Variants in GCFC2 observed in about 807,000 individuals in gnomAD.
GCFC2 encodes GC-rich sequence DNA-binding factor 2.
GCFC2 carries 102 observed loss-of-function variants against 99.4 expected under a neutral mutation model. The observed-to-expected ratio is 1.03, with a 90% CI of 0.87 to 1.21. GCFC2 has a LOEUF of 1.21. GCFC2 is among the 50% of genes most tolerant of loss of function. The pLI is 0.00. For synonymous variants in GCFC2, 338 were observed against 316.8 expected, an observed-to-expected ratio of 1.07 and a Z score of -0.71; for missense variants, 973 against 920.9, an observed-to-expected ratio of 1.06 and a Z score of -0.73.
At chr2:75,673,875 C>G (rs1235904588) in intron 12 of GCFC2, among the ~76,000 whole-genome samples, 1 of 152,110 alleles carries the variant, frequency 6.6e-6, no homozygotes, top group Non-Finnish European at 1.5e-5. Context: ...AATGGAATGG[C>G]TGGAGTACAG....
chr2:75,673,172 T>TGGTGGCGGGCGC (rs993028765), intron 13 of GCFC2, among the ~76,000 whole-genome samples: 1 of 151,778 alleles, frequency 6.6e-6, no homozygotes, highest in African/African-American at 2.4e-5. Flanking sequence ...TAGCCGGGCG[T>TGGTGGCGGGCGC]GGTGGCGGGC....
At chr2:75,713,110 T>C (rs1345959443), upstream of GCFC2, among the ~76,000 whole-genome samples, 1 of 152,184 alleles carries the variant, frequency 6.6e-6, no homozygotes, top group Non-Finnish European at 1.5e-5. Context: ...CTCAATAAAC[T>C]GAAACTCCTT....
intron 15 of GCFC2, 21 bp from the exon 16 acceptor site, chr2:75,666,074 C>A: frequency 6.3e-7 from 1 of 1,586,782 alleles, no homozygotes; most frequent in Non-Finnish European, 8.6e-7. Flanking sequence ...AAACACATGG[C>A]TGGTTTACAA....
At chr2:75,674,895 C>T (rs964551739) in intron 12 of GCFC2, among the ~76,000 whole-genome samples, 2 of 151,858 alleles carry the variant, frequency 1.3e-5, no homozygotes, top group Non-Finnish European at 2.9e-5. Context: ...TTGTATTTTA[C>T]TCCATTCTTT....
intron 15 of GCFC2, among the ~76,000 whole-genome samples, chr2:75,666,874 G>A (rs1023553658): frequency 6.6e-6 from 1 of 152,098 alleles, no homozygotes; most frequent in African/African-American, 2.4e-5. Flanking sequence ...AAGAAGGGAG[G>A]TCAGAGTAAC....
At chr2:75,669,411 A>G (rs1411386330) in intron 15 of GCFC2, among the ~76,000 whole-genome samples, 4 of 152,132 alleles carry the variant, frequency 2.6e-5, no homozygotes, top group South Asian at 2.1e-4. Flanking sequence ...CTAAAGTTTT[A>G]TATTTTTTCA....
At chr2:75,680,383 C>G in intron 11 of GCFC2, 69 bp from the exon 12 acceptor site, 2 of 1,320,232 alleles carry the variant, frequency 1.5e-6, no homozygotes, top group Non-Finnish European at 2.1e-6. Context: ...TACAAATAAT[C>G]AAGACCTTTA....
intron 12 of GCFC2, 87 bp from the exon 13 acceptor site, chr2:75,673,607 T>G: frequency 1.5e-6 from 1 of 670,752 alleles, no homozygotes; most frequent in Non-Finnish European, 2.7e-6. Flanking sequence ...CAGTACAAAT[T>G]TATCCACACT....
intron 6 of GCFC2, 129 bp downstream of exon 6, chr2:75,694,112 A>T: frequency 2.8e-6 from 1 of 358,762 alleles, no homozygotes; most frequent in Non-Finnish European, 4.9e-6. Flanking sequence ...GAATGCTATC[A>T]TCTTATTTTA....
rs1679891959 is a variant in GCFC2, at chr2:75,687,893, CCTT to C, written c.1621_1623del (p.Lys541del). 1.2e-6 allele frequency: 2 copies of C among 1,605,122 alleles called. No individual in the cohort carries two copies. The highest frequency in any genetic ancestry group is 2.7e-5 in the African/African-American group (2 of 74,714). On this transcript the variant is annotated inframe_deletion, in exon 11 of 17. Transcript: ENST00000321027. The stretch of plus-strand genomic sequence containing the variant: ...AAGACTTTTTTATCTGAACTACTTT[CCTT>C]CTTTGAATCTTCCACACTGCTATCC...
intron 12 of GCFC2, among the ~76,000 whole-genome samples, chr2:75,677,795 A>G (rs1315360592): frequency 6.6e-6 from 1 of 152,066 alleles, no homozygotes; most frequent in Non-Finnish European, 1.5e-5. Flanking sequence ...TGGCTAATAC[A>G]GTGAAACCCC....
upstream of GCFC2, chr2:75,711,240 CTT>C (rs1681170620): frequency 8.1e-6 from 8 of 984,652 alleles, no homozygotes; most frequent in Non-Finnish European, 9.6e-6. Flanking sequence ...GATCCGTTGT[CTT>C]TTACTTTCTG....
chr2:75,675,653 A>T (rs1266282700), intron 12 of GCFC2, among the ~76,000 whole-genome samples: 1 of 151,586 alleles, frequency 6.6e-6, no homozygotes, highest in Non-Finnish European at 1.5e-5. Flanking sequence ...CTGAGGCACA[A>T]GAATCGCTTG....
chr2:75,680,698 T>TTC (rs1241581306), intron 11 of GCFC2, among the ~76,000 whole-genome samples: 1 of 152,224 alleles, frequency 6.6e-6, no homozygotes, highest in African/African-American at 2.4e-5. Flanking sequence ...ACTTCATACC[T>TTC]TCTCCCCTCT....
chr2:75,669,432 T>C (rs1678987589), intron 15 of GCFC2, among the ~76,000 whole-genome samples: 1 of 152,194 alleles, frequency 6.6e-6, no homozygotes, highest in Non-Finnish European at 1.5e-5. Flanking sequence ...AATTTATTAC[T>C]TTTTCTCATA....
At chr2:75,685,876 C>T (rs763471306) in intron 11 of GCFC2, among the ~76,000 whole-genome samples, 3 of 152,172 alleles carry the variant, frequency 2.0e-5, no homozygotes, top group Non-Finnish European at 4.4e-5. Flanking sequence ...AAGCTTACTC[C>T]TGTCAGACTT....
upstream of GCFC2, chr2:75,711,016 C>T: frequency 1.4e-5 from 19 of 1,338,156 alleles, no homozygotes; most frequent in Non-Finnish European, 1.8e-5. Flanking sequence ...CGCCTGCGTG[C>T]TTTGGCTCCC....
At chr2:75,676,129 A>C (rs1679328881) in intron 12 of GCFC2, among the ~76,000 whole-genome samples, 1 of 152,206 alleles carries the variant, frequency 6.6e-6, no homozygotes, top group South Asian at 2.1e-4. Flanking sequence ...GGATTGCGTA[A>C]GATTTATTTG....
intron 3 of GCFC2, chr2:75,701,943 A>AT (rs1276239486): frequency 7.4e-5 from 91 of 1,232,104 alleles, no homozygotes; most frequent in Middle Eastern, 3.2e-4. Context: ...GATACTGCAC[A>AT]TTTTTTTTAA....
Sources: gnomAD v4.1 joint callset for allele counts (sites outside exome capture counted in the v4.1 genomes callset) on GRCh38, gnomAD v4.1.1 for gene constraint, MANE v1.5 for transcripts, NCBI Gene and HGNC (gene_info 2026-07-23, HGNC 2026-07-21) for gene names.